Variants in ICA1 observed in about 807,000 individuals in gnomAD.
The protein encoded by ICA1 is 69 kDa islet cell autoantigen.
In ICA1, 40 loss-of-function variants were observed where a neutral mutation model predicts 71.0. The observed-to-expected ratio is 0.56, with a 90% confidence interval of 0.44 to 0.73. The LOEUF (loss-of-function observed/expected upper bound fraction) is 0.73. ICA1 is among the 30% of genes least tolerant of loss of function. The probability of loss-of-function intolerance (pLI) is 0.00; values close to 1 mark genes in which losing one functional copy is unlikely to be tolerated. For synonymous variants in ICA1, 207 were observed against 209.5 expected (o/e 0.99, Z 0.10); for missense variants, 578 against 576.5 (o/e 1.00, Z -0.03).
At chr7:8,126,401 TG>T (rs1789202013) in intron 13 of ICA1, among the ~76,000 whole-genome samples, 1 of 152,168 alleles carries the variant, frequency 6.6e-6, no homozygotes, top group African/African-American at 2.4e-5. Context: ...TGGTGAAACC[TG>T]GGGTGAAACT....
rs1461977379 is a variant in ICA1, at chr7:8,208,714, T to C, written c.579+9591A>G. On this transcript the variant is annotated intron_variant, in intron 6 of 13. Coordinates refer to ENST00000402384, the MANE Select transcript of ICA1 (RefSeq NM_001136020.3). ...ACTACCTGAACATGGTAATTTTCCA[T>C]TGACCCGTAATTTAAGATGATACCT... Among the ~76,000 whole-genome samples the C allele has an allele frequency of 1.3e-5, 2 of 152,138 alleles. 1 individual carries two copies. The highest frequency in any genetic ancestry group is 2.9e-5 in the Non-Finnish European group (2 of 68,028).
At chr7:8,141,877 C>T in intron 9 of ICA1, 60 bp from the exon 10 acceptor site, 2 of 1,374,758 alleles carry the variant, frequency 1.5e-6, no homozygotes, top group Non-Finnish European at 1.0e-6. Flanking sequence ...TATGATACAG[C>T]CAGACTTTCA....
intron 1 of ICA1, among the ~76,000 whole-genome samples, chr7:8,242,671 G>A (rs1804406301): frequency 6.6e-6 from 1 of 152,040 alleles, no homozygotes; most frequent in Non-Finnish European, 1.5e-5. Context: ...TCACTAGCAA[G>A]ACTAATAAAG....
intron 6 of ICA1, among the ~76,000 whole-genome samples, chr7:8,159,092 G>T (rs545318467): frequency 6.6e-6 from 1 of 152,278 alleles, no homozygotes; most frequent in Non-Finnish European, 1.5e-5. Flanking sequence ...TTAAAACAAA[G>T]AAATTTACAG....
rs1463455109 is a variant in ICA1, at chr7:8,130,448, A to C, written c.1061-2306T>G. Among the ~76,000 whole-genome samples the C allele has an allele frequency of 6.6e-6, 1 of 152,204 alleles. No individual in the cohort carries two copies. The highest frequency in any genetic ancestry group is 1.5e-5 in the Non-Finnish European group (1 of 68,036). On this transcript the variant is annotated intron_variant, in intron 12 of 13. Transcript: ENST00000402384. This position sits in a 1 kb window ranked among gnomAD's most constrained non-coding sequence, Gnocchi z 4.2. Reference sequence around the variant, plus strand: ...CTCCCCTCTCCAGCATCACCTTTTTAAGGATTATTAACATTACAGAACTCT... The same window carrying C: ...CTCCCCTCTCCAGCATCACCTTTTTCAGGATTATTAACATTACAGAACTCT...
chr7:8,210,466 C>G (rs1174138660), intron 6 of ICA1, among the ~76,000 whole-genome samples: 1 of 152,138 alleles, frequency 6.6e-6, no homozygotes, highest in Non-Finnish European at 1.5e-5. Flanking sequence ...ATATTTCTCA[C>G]CACGAAGTCG....
intron 1 of ICA1, among the ~76,000 whole-genome samples, chr7:8,255,130 C>T (rs1482676344): frequency 6.6e-6 from 1 of 152,212 alleles, no homozygotes; most frequent in Non-Finnish European, 1.5e-5. Context: ...TCTGTCTCTT[C>T]TCTTTCATGT....
At chr7:8,219,050 T>C (rs978469101) in intron 5 of ICA1, 19 of 170,334 alleles carry the variant, frequency 1.1e-4, no homozygotes, top group African/African-American at 4.3e-4. Context: ...GGCTGTCGTG[T>C]GTTAGCACTT....
intron 10 of ICA1, among the ~76,000 whole-genome samples, chr7:8,141,012 T>G (rs762361106): frequency 5.9e-5 from 9 of 152,234 alleles, no homozygotes; most frequent in Non-Finnish European, 1.3e-4. Context: ...GGGGTAATTT[T>G]AGTTCTCTTC....
At chr7:8,117,290 T>C (rs1785117343) in intron 13 of ICA1, among the ~76,000 whole-genome samples, 2 of 152,236 alleles carry the variant, frequency 1.3e-5, no homozygotes, top group African/African-American at 4.8e-5. Flanking sequence ...AACGGCCTAA[T>C]ACACGTTGTA....
intron 6 of ICA1, among the ~76,000 whole-genome samples, chr7:8,175,148 C>T (rs530842545): frequency 6.8e-6 from 1 of 148,012 alleles, no homozygotes; most frequent in Non-Finnish European, 1.5e-5. Context: ...CGGGGAGGGG[C>T]ACAGAGTGGG....
At chr7:8,249,724 C>T (rs1030112682) in intron 1 of ICA1, among the ~76,000 whole-genome samples, 1 of 152,162 alleles carries the variant, frequency 6.6e-6, no homozygotes, top group Non-Finnish European at 1.5e-5. Flanking sequence ...ATATTTTGTT[C>T]TTCCATACAC....
chr7:8,241,067 C>T (rs765727872), intron 1 of ICA1, among the ~76,000 whole-genome samples: 1 of 152,086 alleles, frequency 6.6e-6, no homozygotes, highest in Non-Finnish European at 1.5e-5. Context: ...ACAGAGAACA[C>T]CACAGAGATA....
chr7:8,242,148 T>C (rs1158537092), intron 1 of ICA1, among the ~76,000 whole-genome samples: 1 of 152,062 alleles, frequency 6.6e-6, no homozygotes, highest in Non-Finnish European at 1.5e-5. Flanking sequence ...TATTCCAAAA[T>C]TGAACACATA....
intron 8 of ICA1, among the ~76,000 whole-genome samples, chr7:8,146,635 A>C (rs1009113274): frequency 3.4e-4 from 51 of 151,950 alleles, no homozygotes; most frequent in African/African-American, 1.2e-3. Flanking sequence ...TGTCAGGACA[A>C]ATGAGACAAC....
At chr7:8,160,964 T>C (rs1181920629) in intron 6 of ICA1, among the ~76,000 whole-genome samples, 1 of 152,210 alleles carries the variant, frequency 6.6e-6, no homozygotes, top group East Asian at 1.9e-4. Flanking sequence ...AGATGTTCAC[T>C]GTAGATCCCT....
intron 1 of ICA1, among the ~76,000 whole-genome samples, chr7:8,244,305 G>A (rs532413196): frequency 2.8e-4 from 43 of 152,222 alleles, no homozygotes; most frequent in Admixed American, 2.0e-3. Flanking sequence ...CAAGAAATGG[G>A]GAAAGGATTC....
intron 3 of ICA1, among the ~76,000 whole-genome samples, chr7:8,232,062 GAGTT>G (rs914464071): frequency 6.6e-6 from 1 of 152,164 alleles, no homozygotes; most frequent in African/African-American, 2.4e-5. Context: ...GCAAGACAGG[GAGTT>G]AGTTAGTGGG....
chr7:8,184,951 A>G (rs1783426439), intron 6 of ICA1, among the ~76,000 whole-genome samples: 1 of 152,004 alleles, frequency 6.6e-6, no homozygotes, highest in Admixed American at 6.6e-5. Context: ...GCGTGCGCCT[A>G]TAGTCCTAGC....
Sources: allele counts gnomAD v4.1 joint callset (sites outside exome capture counted in the v4.1 genomes callset), GRCh38; gene constraint gnomAD v4.1.1; non-coding constraint Gnocchi (gnomAD v3.1); transcripts MANE v1.5; gene names NCBI Gene and HGNC (gene_info 2026-07-23, HGNC 2026-07-21).